CHDH: variants seen among roughly 807,000 people sequenced by gnomAD.
The protein encoded by CHDH is choline dehydrogenase, also known as choline dehydrogenase, mitochondrial.
In CHDH, 43 loss-of-function variants were observed where a neutral mutation model predicts 56.9. The ratio of observed to expected loss-of-function variants is 0.76; its 90% confidence interval spans 0.59 to 0.97. The LOEUF (loss-of-function observed/expected upper bound fraction) is 0.97, where lower values mean the gene tolerates loss of function less well. Among genes scored for constraint, CHDH ranks in the 50% least tolerant of loss-of-function variants. The probability of loss-of-function intolerance (pLI) is 0.00; values close to 1 mark genes in which losing one functional copy is unlikely to be tolerated. For synonymous variants in CHDH, 364 were observed against 348.5 expected (o/e 1.04, Z -0.50); for missense variants, 816 against 821.1 (o/e 0.99, Z 0.08).
In CHDH at chr3:53,846,390, G is replaced by A. The variant is rs868627524; in HGVS notation, c.-438C>T. 44 of 517,742 alleles carry A rather than the reference G, an allele frequency of 8.5e-5. 1 individual carries two copies. Among genetic ancestry groups the A allele is most frequent in the African/African-American group, 4.7e-4 (23 of 49,116 alleles). 32.1% of individuals were successfully genotyped at this position (517,742 alleles called of 1,614,324 possible). A position where few individuals can be genotyped will look rare whatever the true frequency, so the allele number is the denominator to read the frequency against. ...CCGTGCTCCGCCAGCGCTCGGACAC[G>A]GCCCATCCCTCCGAGCCCCAGCAGG... is the stretch of plus-strand genomic sequence containing the variant. On this transcript the variant is annotated 5_prime_UTR_variant, in exon 1 of 9. Transcript: ENST00000315251.
intron 3 of CHDH, 74 bp from the exon 4 acceptor site, chr3:53,822,716 G>A: frequency 6.5e-7 from 1 of 1,535,400 alleles, no homozygotes; most frequent in Non-Finnish European, 8.8e-7. Context: ...AGGAGCTGGA[G>A]AAAGAAAGAG....
chr3:53,826,652 C>T (rs1182489036), intron 2 of CHDH, among the ~76,000 whole-genome samples: 1 of 151,508 alleles, frequency 6.6e-6, no homozygotes, highest in East Asian at 1.9e-4. Flanking sequence ...TAACATCATA[C>T]CTGACGGTAA....
rs199633890 is a variant in CHDH at position 53,822,648 on chromosome 3, G to C, written c.704-6C>G. ...GGCCGCGCTCCACCGTTTGCCTGCA[G>C]GATGGAGTGAGGTGGTCAGGCATGG... On this transcript the variant is annotated splice_region_variant and splice_polypyrimidine_tract_variant and intron_variant, in intron 3 of 8. Coordinates refer to ENST00000315251, the MANE Select transcript of CHDH (RefSeq NM_018397.5). 5.6e-6 allele frequency: 9 copies of C among 1,606,216 alleles called. No individual in the cohort carries two copies. The highest frequency in any genetic ancestry group is 1.7e-4 in the Middle Eastern group (1 of 6,054).
In CHDH at chr3:53,821,649, G is replaced by A. The variant is rs756315133; in HGVS notation, c.983C>T (p.Pro328Leu). The A allele has an allele frequency of 1.9e-6, 3 of 1,613,614 alleles. No individual in the cohort carries two copies. Among genetic ancestry groups the A allele is most frequent in the East Asian group, 2.2e-5 (1 of 44,884 alleles). Reference sequence around the variant, plus strand: ...GAGCAGTAAAGAAGGGGACTCACCAGGTAGGTGGCACACCACAGGGATGCC... The same window carrying A: ...GAGCAGTAAAGAAGGGGACTCACCAAGTAGGTGGCACACCACAGGGATGCC... ...KLGIPVVCHLPGVGQNLQDHL... is the reference protein window; with the variant it reads ...KLGIPVVCHLLGVGQNLQDHL... The change falls in exon 5 of 9, where the codon CCT becomes CTT. Residue 328 changes from proline to leucine, a missense_variant and splice_region_variant. Coordinates refer to ENST00000315251, the MANE Select transcript of CHDH (RefSeq NM_018397.5).
chr3:53,831,220 T>C (rs1698321837), intron 2 of CHDH, among the ~76,000 whole-genome samples: 2 of 152,218 alleles, frequency 1.3e-5, no homozygotes, highest in Non-Finnish European at 2.9e-5. Flanking sequence ...TGTCACATGG[T>C]GTGAGTGCCA....
intron 2 of CHDH, among the ~76,000 whole-genome samples, chr3:53,839,209 C>A (rs1010282576): frequency 2.0e-5 from 3 of 152,168 alleles, no homozygotes; most frequent in African/African-American, 7.2e-5. Context: ...AATGCAATAC[C>A]ACCTATAAAA....
chr3:53,821,827 A>T (rs1418998526), intron 4 of CHDH, 51 bp from the exon 5 acceptor site: 1 of 1,604,588 alleles, frequency 6.2e-7, no homozygotes, highest in Admixed American at 1.7e-5. Flanking sequence ...TGTTCTCCTG[A>T]CTCACAGACC....
At chr3:53,825,253 AG>A (rs1190253897) in intron 2 of CHDH, among the ~76,000 whole-genome samples, 5 of 152,268 alleles carry the variant, frequency 3.3e-5, no homozygotes, top group African/African-American at 1.2e-4. Context: ...CATACCAAAA[AG>A]CAAGGCAAAT....
rs1018532385 is a variant in CHDH, at chr3:53,823,751, C to G, written c.258G>C (p.Trp86Cys). 2 of 1,557,412 alleles carry G rather than the reference C, an allele frequency of 1.3e-6. No homozygotes were observed. The highest frequency in any genetic ancestry group is 1.7e-6 in the Non-Finnish European group (2 of 1,152,032). ...CCAGGGCCGCGGGCATGTGGATCTT[C>G]CACGAGAGCCGCTTGCTCCCCGCGA... is the stretch of plus-strand genomic sequence containing the variant. ...DVLAGSKRLSWKIHMPAALVA... is the reference protein window; with the variant it reads ...DVLAGSKRLSCKIHMPAALVA... Residue 86 changes from tryptophan (W) to cysteine (C), a missense_variant, in exon 3 of 9, where the codon TGG becomes TGC. Transcript: ENST00000315251.
chr3:53,822,581 C>T lies in CHDH; in HGVS notation c.765G>A (p.Lys255=). The change falls in exon 4 of 9, where the codon AAG becomes AAA. Residue 255 remains lysine, a synonymous_variant. Transcript: ENST00000315251. ...LHPALSRTNL[K]AEAETLVSRV... Reference sequence around the variant, plus strand: ...TGCTCACAAGCGTCTCGGCCTCGGCCTTGAGGTTGGTGCGGCTCAGTGCTG... The same window carrying T: ...TGCTCACAAGCGTCTCGGCCTCGGCTTTGAGGTTGGTGCGGCTCAGTGCTG... 6.2e-7 allele frequency: 1 copy of T among 1,613,106 alleles called. No individual in the cohort carries two copies. Among genetic ancestry groups the T allele is most frequent in the Non-Finnish European group, 8.5e-7 (1 of 1,180,010 alleles).
chr3:53,846,329 C>A lies in CHDH; in HGVS notation c.-377G>T. ...GCTGATGCACCTGGCTCACTGCATG[C>A]ACGTGTGCGCGGGGGTAGGCGCGCG... On this transcript the variant is annotated 5_prime_UTR_variant, in exon 1 of 9. Coordinates refer to ENST00000315251, the MANE Select transcript of CHDH (RefSeq NM_018397.5). The A allele has an allele frequency of 2.3e-6, 1 of 440,494 alleles. No homozygotes were observed. The highest frequency in any genetic ancestry group is 4.0e-6 in the Non-Finnish European group (1 of 251,630). The allele number at this position is 440,494 out of a possible 1,614,324, so 27.3% of individuals were successfully genotyped here.
intron 2 of CHDH, among the ~76,000 whole-genome samples, chr3:53,830,793 G>A (rs1460631267): frequency 6.6e-6 from 1 of 152,194 alleles, no homozygotes; most frequent in African/African-American, 2.4e-5. Context: ...AAATCAGGGA[G>A]GAGAAGAGCA....
At chr3:53,825,364 G>A (rs1334748783) in intron 2 of CHDH, among the ~76,000 whole-genome samples, 1 of 152,094 alleles carries the variant, frequency 6.6e-6, no homozygotes, top group Non-Finnish European at 1.5e-5. Flanking sequence ...TAACCAAGGT[G>A]AGCATTATAA....
intron 1 of CHDH, among the ~76,000 whole-genome samples, chr3:53,844,236 C>G (rs1698777927): frequency 6.6e-6 from 1 of 152,208 alleles, no homozygotes; most frequent in Non-Finnish European, 1.5e-5. Context: ...CAGCCCCTGC[C>G]TGAGTACTCC....
chr3:53,822,603 G>T lies in CHDH; in HGVS notation c.743C>A (p.Ala248Glu), dbSNP rs1044645850. Residue 248 changes from alanine (A) to glutamate (E), a missense_variant, in exon 4 of 9, where the codon GCA (alanine) becomes GAA (glutamate). Coordinates refer to ENST00000315251, the MANE Select transcript of CHDH (RefSeq NM_018397.5). ...GGCCTTGAGGTTGGTGCGGCTCAGTGCTGGGTGCAGGTAGGCACAGGCCGC... is the reference window on the plus strand; with the variant it reads ...GGCCTTGAGGTTGGTGCGGCTCAGTTCTGGGTGCAGGTAGGCACAGGCCGC... ...WSAACAYLHP[A>E]LSRTNLKAEA... 1.2e-6 allele frequency: 2 copies of T among 1,611,942 alleles called. No homozygotes were observed. Among genetic ancestry groups the T allele is most frequent in the Non-Finnish European group, 1.7e-6 (2 of 1,180,006 alleles).
At chr3:53,837,668 T>C (rs1698540321) in intron 2 of CHDH, among the ~76,000 whole-genome samples, 1 of 152,018 alleles carries the variant, frequency 6.6e-6, no homozygotes, top group African/African-American at 2.4e-5. Flanking sequence ...TGCTCCACAT[T>C]CCAGGCCTCT....
rs1303682340 is a variant in CHDH, at chr3:53,819,094, CCT to C, written c.1264-56_1264-55del. ...GTCCCTCCATAGACATCCACAGTGA[CCT>C]CTGTCAACCCTGGTTTACCTGTAGG... On this transcript the variant is annotated intron_variant, in intron 7 of 8. Transcript: ENST00000315251. The surrounding 1 kb of genome is among the most constrained non-coding windows in gnomAD (Gnocchi z 5.4). The C allele has an allele frequency of 1.6e-6, 2 of 1,226,414 alleles. No individual in the cohort carries two copies. The highest frequency in any genetic ancestry group is 3.0e-5 in the African/African-American group (2 of 67,572). 76.0% of individuals were successfully genotyped at this position (1,226,414 alleles called of 1,614,324 possible). A position where few individuals can be genotyped will look rare whatever the true frequency, so the allele number is the denominator to read the frequency against.
At chr3:53,824,845 C>A (rs577105304) in intron 2 of CHDH, among the ~76,000 whole-genome samples, 16 of 152,268 alleles carry the variant, frequency 1.1e-4, no homozygotes, top group African/African-American at 3.9e-4. Context: ...CTGAGAACAC[C>A]CCACCCGTGA....
rs368491922 is a variant in CHDH, at chr3:53,818,209, G to A, written c.1367-14C>T. On this transcript the variant is annotated splice_polypyrimidine_tract_variant and intron_variant, in intron 8 of 8. Coordinates refer to ENST00000315251, the MANE Select transcript of CHDH (RefSeq NM_018397.5). ...CAATATCAGTTTCTGTCGAGGAGAA[G>A]AAACAGGTGAGGACCCCTCCTTTTG... The A allele has an allele frequency of 1.9e-6, 3 of 1,583,870 alleles. No homozygotes were observed. Among genetic ancestry groups the A allele is most frequent in the African/African-American group, 1.3e-5 (1 of 74,118 alleles).
Sources: gnomAD v4.1 joint callset for allele counts (sites outside exome capture counted in the v4.1 genomes callset) on GRCh38, gnomAD v4.1.1 for gene constraint, Gnocchi (gnomAD v3.1) non-coding constraint, MANE v1.5 for transcripts, NCBI Gene and HGNC (gene_info 2026-07-23, HGNC 2026-07-21) for gene names.